The following ANO10 variants were observed in gnomAD, a reference collection of about 807,000 sequenced individuals.
ANO10 encodes anoctamin 10, also known as anoctamin-10.
Under a neutral mutation model 74.7 loss-of-function variants are expected in ANO10, and 77 were observed. The ratio of observed to expected loss-of-function variants is 1.03; its 90% CI spans 0.86 to 1.25. ANO10 has a LOEUF of 1.25. Ranked by LOEUF, ANO10 falls within the 50% of genes most tolerant of loss-of-function variation. The pLI is 0.00. For synonymous variants in ANO10, 279 were observed against 284.9 expected (o/e 0.98, Z 0.21); for missense variants, 721 against 778.1 (o/e 0.93, Z 0.87).
chr3:43,379,608 C>G (rs1346076141), intron 12 of ANO10, among the ~76,000 whole-genome samples: 1 of 152,118 alleles, frequency 6.6e-6, no homozygotes, highest in Non-Finnish European at 1.5e-5. Flanking sequence ...AGGCATGTAG[C>G]CTAGAGAAAG....
Position 43,366,308 on chromosome 3 carries a change from C to T in ANO10, c.*598G>A, listed in dbSNP as rs997313291. 2.5e-5 allele frequency: 4 copies of T among 160,354 alleles called. No individual in the cohort carries two copies. Among genetic ancestry groups the T allele is most frequent in the Admixed American group, 2.3e-4 (4 of 17,248 alleles). The allele number at this position is 160,354 out of a possible 1,614,324, so 9.9% of individuals were successfully genotyped here. ...CACCAAGTGCTTCAGAAAAGGGAAG[C>T]CCATTGCGGTACCTATGTAGGCAGA... On this transcript the variant is annotated 3_prime_UTR_variant, in exon 13 of 13. Transcript: ENST00000292246.
At chr3:43,430,422 A>G (rs946578161) in intron 12 of ANO10, among the ~76,000 whole-genome samples, 1 of 151,804 alleles carries the variant, frequency 6.6e-6, no homozygotes, top group African/African-American at 2.4e-5. Context: ...CATTTTTTAC[A>G]TTTAAATCTG....
chr3:43,531,620 G>A (rs909537868), intron 11 of ANO10, among the ~76,000 whole-genome samples: 10 of 152,256 alleles, frequency 6.6e-5, no homozygotes, highest in East Asian at 3.9e-4. Context: ...GAGGCCGGGC[G>A]CAGTGGCTCA....
intron 11 of ANO10, among the ~76,000 whole-genome samples, chr3:43,460,754 A>C (rs2075341401): frequency 6.6e-6 from 1 of 152,218 alleles, no homozygotes; most frequent in South Asian, 2.1e-4. Flanking sequence ...ATCCAGATGA[A>C]ACAGATAATT....
intron 12 of ANO10, among the ~76,000 whole-genome samples, chr3:43,373,630 A>C (rs1451727233): frequency 6.6e-6 from 1 of 152,264 alleles, no homozygotes; most frequent in Non-Finnish European, 1.5e-5. Context: ...TTGAGACTGC[A>C]AATTACTTCC....
intron 11 of ANO10, among the ~76,000 whole-genome samples, chr3:43,481,664 T>C (rs761395381): frequency 6.6e-6 from 1 of 152,194 alleles, no homozygotes; most frequent in Non-Finnish European, 1.5e-5. Flanking sequence ...GGAGGCTTCA[T>C]CTGCATGATA....
At chr3:43,639,754 G>A (rs536105911) in intron 1 of ANO10, among the ~76,000 whole-genome samples, 7 of 148,736 alleles carry the variant, frequency 4.7e-5, no homozygotes, top group African/African-American at 1.7e-4. Context: ...CCAGCCTGGC[G>A]ACAGAGTAAG....
chr3:43,383,630 G>A (rs1029294459), intron 12 of ANO10, among the ~76,000 whole-genome samples: 1 of 152,028 alleles, frequency 6.6e-6, no homozygotes, highest in African/African-American at 2.4e-5. Flanking sequence ...ACATTCACAA[G>A]TCAATAAATG....
intron 11 of ANO10, among the ~76,000 whole-genome samples, chr3:43,487,198 C>T (rs1190016231): frequency 6.0e-5 from 9 of 150,894 alleles, no homozygotes; most frequent in African/African-American, 2.2e-4. Context: ...CTGCTGGATT[C>T]GTTTTGCCAG....
intron 11 of ANO10, among the ~76,000 whole-genome samples, chr3:43,479,921 C>T (rs2076203743): frequency 6.6e-6 from 1 of 152,112 alleles, no homozygotes; most frequent in East Asian, 1.9e-4. Flanking sequence ...ACAGGCAGCA[C>T]CAGGGGCAGT....
intron 12 of ANO10, among the ~76,000 whole-genome samples, chr3:43,420,175 G>A (rs2092798507): frequency 6.6e-6 from 1 of 152,236 alleles, no homozygotes. Flanking sequence ...GCTGGGCACA[G>A]TGGCTCACGC....
At chr3:43,598,247 A>G (rs965097469) in intron 4 of ANO10, among the ~76,000 whole-genome samples, 2 of 152,238 alleles carry the variant, frequency 1.3e-5, no homozygotes, top group Admixed American at 1.3e-4. Context: ...GTTAGGGCAT[A>G]AAGTAAACTT....
chr3:43,521,098 A>T (rs770328029), intron 11 of ANO10, among the ~76,000 whole-genome samples: 2 of 152,198 alleles, frequency 1.3e-5, no homozygotes, highest in Non-Finnish European at 2.9e-5. Context: ...TGCAAAGAGA[A>T]ATAGTTTTAC....
At chr3:43,637,517 G>A (rs953687082) in intron 1 of ANO10, 1 of 151,576 alleles carries the variant, frequency 6.6e-6, no homozygotes, top group Non-Finnish European at 1.5e-5. Context: ...AAAAACAATA[G>A]CATCACGGAG....
intron 12 of ANO10, among the ~76,000 whole-genome samples, chr3:43,380,565 C>T (rs1161982874): frequency 6.6e-6 from 1 of 152,080 alleles, no homozygotes; most frequent in Non-Finnish European, 1.5e-5. Context: ...AAACAATTGG[C>T]CAAGAATTTT....
intron 11 of ANO10, among the ~76,000 whole-genome samples, chr3:43,532,934 T>C (rs2078538344): frequency 6.6e-6 from 1 of 152,082 alleles, no homozygotes; most frequent in Admixed American, 6.6e-5. Flanking sequence ...GTCATCCCTG[T>C]TCTGCATGGC....
chr3:43,581,201 T>C (rs892619282), intron 4 of ANO10, among the ~76,000 whole-genome samples: 41 of 152,244 alleles, frequency 2.7e-4, no homozygotes, highest in African/African-American at 9.9e-4. Flanking sequence ...GGTAAGAAAA[T>C]GTTCAGTTCT....
chr3:43,448,892 GAC>G (rs2074713066), intron 11 of ANO10, among the ~76,000 whole-genome samples: 1 of 128,838 alleles, frequency 7.8e-6, no homozygotes, highest in Non-Finnish European at 1.6e-5. Context: ...TTTTTTTGGA[GAC>G]AGAGTCTTGT....
intron 11 of ANO10, among the ~76,000 whole-genome samples, chr3:43,489,302 C>T (rs1187740574): frequency 6.6e-6 from 1 of 151,366 alleles, no homozygotes; most frequent in Admixed American, 6.6e-5. Context: ...CACATGTACC[C>T]TAAAACTTAA....
Sources: allele counts gnomAD v4.1 joint callset (sites outside exome capture counted in the v4.1 genomes callset), GRCh38; gene constraint gnomAD v4.1.1; transcripts MANE v1.5; gene names NCBI Gene and HGNC (gene_info 2026-07-23, HGNC 2026-07-21).